The following MYO1G variants were observed in gnomAD, a reference collection of about 807,000 sequenced individuals.
MYO1G encodes the protein unconventional myosin-Ig.
MYO1G carries 65 observed loss-of-function variants against 115.3 expected under a neutral mutation model. The ratio of observed to expected loss-of-function variants is 0.56; its 90% CI spans 0.46 to 0.69. The LOEUF (loss-of-function observed/expected upper bound fraction) is 0.69, where lower values mean the gene tolerates loss of function less well. Ranked by LOEUF, MYO1G falls within the 30% of genes least tolerant of loss-of-function variation. The pLI, the probability that MYO1G is intolerant of heterozygous loss-of-function variation, is 0.00. For missense variants in MYO1G, 1,204 were observed against 1,393.5 expected (o/e 0.86, Z 2.16); for synonymous variants, 510 against 552.6 (o/e 0.92, Z 1.08).
In MYO1G at chr7:44,975,599, T is replaced by C. The variant is rs1318754883; in HGVS notation, c.449A>G (p.Asn150Ser). The C allele has an allele frequency of 1.9e-6, 3 of 1,613,774 alleles. No homozygotes were observed. The East Asian group carries it at 6.7e-5, about 36-fold the overall frequency. The change falls in exon 4 of 22, where the codon AAT becomes AGT. Residue 150 changes from asparagine (N) to serine (S), a missense_variant. Asn to Ser is a conservative substitution (Grantham distance 46). Coordinates refer to ENST00000258787, the MANE Select transcript of MYO1G (RefSeq NM_033054.3). ...KSTCVLEAFG[N>S]ARTNRNHNSS... The stretch of plus-strand genomic sequence containing the variant: ...GTTGTGATTGCGGTTGGTGCGGGCA[T>C]TGCCAAAGGCCTCCAGCACACAGGT...
Position 44,966,317 on chromosome 7 carries a change from G to A in MYO1G, c.1950-37C>T. 4 of 1,545,722 alleles carry A rather than the reference G, an allele frequency of 2.6e-6. No homozygotes were observed. The highest frequency in any genetic ancestry group is 3.5e-6 in the Non-Finnish European group (4 of 1,140,366). On this transcript the variant is annotated intron_variant, in intron 15 of 21. Coordinates refer to ENST00000258787, the MANE Select transcript of MYO1G (RefSeq NM_033054.3). This position sits in a 1 kb window ranked among gnomAD's most constrained non-coding sequence, Gnocchi z 5.0. The stretch of plus-strand genomic sequence containing the variant: ...GGACAGGGCAGTGTGGCCCAGGCCT[G>A]GGGGAGAGATGATGGAGCCCACCCT...
intron 13 of MYO1G, 68 bp from the exon 14 acceptor site, chr7:44,967,805 C>G (rs1794874624): frequency 8.1e-6 from 13 of 1,611,978 alleles, no homozygotes; most frequent in African/African-American, 2.7e-5. Flanking sequence ...CGTCCTGACG[C>G]TAGTCAATGC....
rs1795036423 is a variant in MYO1G at position 44,975,662 on chromosome 7, A to G, written c.399-13T>C. 1.3e-6 allele frequency: 2 copies of G among 1,588,590 alleles called. No homozygotes were observed. Among genetic ancestry groups the G allele is most frequent in the South Asian group, 2.3e-5 (2 of 88,584 alleles). On this transcript the variant is annotated splice_polypyrimidine_tract_variant and intron_variant, in intron 3 of 21. Coordinates refer to ENST00000258787, the MANE Select transcript of MYO1G (RefSeq NM_033054.3). ...CACGTCCTTGACCCTGTCAGGGCAG[A>G]GGGGCTGGGTCTTAAGGCAAAGACT... is the stretch of plus-strand genomic sequence containing the variant.
chr7:44,965,816 C>T lies in MYO1G; in HGVS notation c.2202G>A (p.Arg734=), dbSNP rs1391612018. ...ACCAGCGCATGATGGTGTAGATAGC[C>T]CTCAGCCTCCGGCAGCGCCACCTCG... is the stretch of plus-strand genomic sequence containing the variant. The part of the protein sequence containing the change: ...TLARWRCRRL[R]AIYTIMRWFR... Residue 734 remains arginine, a synonymous_variant, in exon 17 of 22, where the codon AGG becomes AGA. Coordinates refer to ENST00000258787, the MANE Select transcript of MYO1G (RefSeq NM_033054.3). 2 of 1,601,144 alleles carry T rather than the reference C, an allele frequency of 1.2e-6. No homozygotes were observed. The highest frequency in any genetic ancestry group is 1.1e-5 in the South Asian group (1 of 90,974).
In MYO1G at chr7:44,970,421, T is replaced by C. The variant is rs536079386; in HGVS notation, c.1217+171A>G. Among the ~76,000 whole-genome samples the C allele has an allele frequency of 3.3e-5, 5 of 152,246 alleles. No individual in the cohort carries two copies. The South Asian group carries it at 1.0e-3, about 32-fold the overall frequency. On this transcript the variant is annotated intron_variant, in intron 9 of 21. Transcript: ENST00000258787. ...ATTCTGCCTTCCATCAGGACATCAA[T>C]GGTCAGAGGGTGCAGGTGAGGCAGG...
rs1449190771 is a variant in MYO1G, at chr7:44,964,315, C to G, written c.2631+100G>C. The G allele has an allele frequency of 2.2e-6, 3 of 1,366,918 alleles. No homozygotes were observed. Among genetic ancestry groups the G allele is most frequent in the Non-Finnish European group, 3.1e-6 (3 of 961,290 alleles). 84.7% of individuals were successfully genotyped at this position (1,366,918 alleles called of 1,614,324 possible). ...CCTGGGCTGGGGTTGCCTCCATTTT[C>G]TCCCAAGTGCCCCCCCAAAACTCTG... On this transcript the variant is annotated intron_variant, in intron 19 of 21. Transcript: ENST00000258787. The surrounding 1 kb of genome is among the most constrained non-coding windows in gnomAD (Gnocchi z 5.1).
Position 44,978,883 on chromosome 7 carries a change from T to G in MYO1G, c.79A>C (p.Arg27=), listed in dbSNP as rs1345111687. ...LDQVTMEDFM[R]NLQLRFEKGR... Reference sequence around the variant, plus strand: ...TGGGCCTACCTGAGCTGCAGGTTCCTCATGAAGTCCTCCATGGTCACTTGG... The same window carrying G: ...TGGGCCTACCTGAGCTGCAGGTTCCGCATGAAGTCCTCCATGGTCACTTGG... The change falls in exon 1 of 22, where the codon AGG becomes CGG. Residue 27 remains arginine, a synonymous_variant. Coordinates refer to ENST00000258787, the MANE Select transcript of MYO1G (RefSeq NM_033054.3). The G allele has an allele frequency of 6.2e-7, 1 of 1,614,168 alleles. No individual in the cohort carries two copies. The highest frequency in any genetic ancestry group is 2.2e-5 in the East Asian group (1 of 44,886).
Position 44,965,023 on chromosome 7 carries a change from C to T in MYO1G, c.2448G>A (p.Val816=), listed in dbSNP as rs1794815502. 1 of 1,611,430 alleles carries T rather than the reference C, an allele frequency of 6.2e-7. No individual in the cohort carries two copies. The highest frequency in any genetic ancestry group is 1.3e-5 in the African/African-American group (1 of 74,928). The part of the protein sequence containing the change: ...PSDMPQIKAK[V]AAMGALQGLR... ...GCCCTTGCAGGGCCCCCATGGCGGC[C>T]ACCTTGGCCTTGATCTGGGGCATGT... The change falls in exon 18 of 22, where the codon GTG becomes GTA. Residue 816 remains valine (V), a synonymous_variant. Transcript: ENST00000258787.
intron 2 of MYO1G, 32 bp downstream of exon 2, chr7:44,976,831 G>T: frequency 6.2e-7 from 1 of 1,610,064 alleles, no homozygotes; most frequent in East Asian, 2.2e-5. Context: ...TGAAGATGCC[G>T]AGGGTGGGGG....
rs536623475 is a variant in MYO1G at position 44,966,514 on chromosome 7, T to C, written c.1949+158A>G. 144 of 942,898 alleles carry C rather than the reference T, an allele frequency of 1.5e-4. No homozygotes were observed. The South Asian group carries it at 1.8e-3, about 12-fold the overall frequency. The allele number at this position is 942,898 out of a possible 1,614,324, so 58.4% of individuals were successfully genotyped here. ...CCCCACATGCATGTGCTCACACACATGTCTTCCCAGATATTTTGGTGTCTT... is the reference window on the plus strand; with the variant it reads ...CCCCACATGCATGTGCTCACACACACGTCTTCCCAGATATTTTGGTGTCTT... On this transcript the variant is annotated intron_variant, in intron 15 of 21. Coordinates refer to ENST00000258787, the MANE Select transcript of MYO1G (RefSeq NM_033054.3). This position sits in a 1 kb window ranked among gnomAD's most constrained non-coding sequence, Gnocchi z 5.0.
rs993142168 is a variant in MYO1G at position 44,962,700 on chromosome 7, G to A, written c.*39C>T. The A allele has an allele frequency of 7.6e-5, 110 of 1,451,234 alleles. No individual in the cohort carries two copies. The highest frequency in any genetic ancestry group is 9.6e-5 in the Non-Finnish European group (107 of 1,111,454). The allele number at this position is 1,451,234 out of a possible 1,614,324, so 89.9% of individuals were successfully genotyped here. On this transcript the variant is annotated 3_prime_UTR_variant, in exon 22 of 22. Coordinates refer to ENST00000258787, the MANE Select transcript of MYO1G (RefSeq NM_033054.3). This position sits in a 1 kb window ranked among gnomAD's most constrained non-coding sequence, Gnocchi z 5.3. Reference sequence around the variant, plus strand: ...GGTTTATTTGCAGCGCTGGCGGGGCGGACAATTGGCGGCCTCGGGGTGCGG... The same window carrying A: ...GGTTTATTTGCAGCGCTGGCGGGGCAGACAATTGGCGGCCTCGGGGTGCGG...
In MYO1G at chr7:44,963,892, C is replaced by A; in HGVS notation, c.2745+157G>T. ...TTCACTCTGTGGGCGTGGGAAGCCACTGCAGGATTTTCAGCACGGGTGCCA... is the reference window on the plus strand; with the variant it reads ...TTCACTCTGTGGGCGTGGGAAGCCAATGCAGGATTTTCAGCACGGGTGCCA... On this transcript the variant is annotated intron_variant, in intron 20 of 21. Transcript: ENST00000258787. The surrounding 1 kb of genome is among the most constrained non-coding windows in gnomAD (Gnocchi z 4.1). The A allele has an allele frequency of 1.5e-6, 1 of 647,034 alleles. No individual in the cohort carries two copies. The highest frequency in any genetic ancestry group is 1.8e-5 in the South Asian group (1 of 54,226). The allele number at this position is 647,034 out of a possible 1,614,324, so 40.1% of individuals were successfully genotyped here. A position where few individuals can be genotyped will look rare whatever the true frequency, so the allele number is the denominator to read the frequency against.
In MYO1G at chr7:44,969,731, G is replaced by T; in HGVS notation, c.1477C>A (p.His493Asn). Reference protein sequence around the residue: ...FLQTLDMHHRHHLHYTSRQLC... With the variant: ...FLQTLDMHHRNHLHYTSRQLC... ...TGGCGGCTGGTGTAGTGTAGGTGAT[G>T]GCGGTGGTGCATGTCCAGGGTCTGC... The change falls in exon 11 of 22, where the codon CAT becomes AAT. Residue 493 changes from histidine (H) to asparagine (N), a missense_variant. His to Asn is a moderately conservative substitution (Grantham distance 68). Coordinates refer to ENST00000258787, the MANE Select transcript of MYO1G (RefSeq NM_033054.3). The surrounding 1 kb of genome is among the most constrained non-coding windows in gnomAD (Gnocchi z 5.0). 2 of 1,610,312 alleles carry T rather than the reference G, an allele frequency of 1.2e-6. No homozygotes were observed. The highest frequency in any genetic ancestry group is 1.7e-6 in the Non-Finnish European group (2 of 1,179,226).
chr7:44,968,872 T>C, intron 12 of MYO1G: 1 of 160,810 alleles, frequency 6.2e-6, no homozygotes, highest in Non-Finnish European at 1.4e-5. Context: ...TTCTATTCCC[T>C]CTCCTTGAGA....
chr7:44,967,692 G>A lies in MYO1G; in HGVS notation c.1695C>T (p.Asp565=). Residue 565 remains aspartate (D), a synonymous_variant, in exon 14 of 22, where the codon GAC becomes GAT. Coordinates refer to ENST00000258787, the MANE Select transcript of MYO1G (RefSeq NM_033054.3). ...LRAMWPDGQQ[D]ITEVTKRPLT... ...GGGGGCGCTTGGTCACCTCTGTGAT[G>A]TCCTGCTGCCCGTCCGGCCACATGG... 1 of 1,613,726 alleles carries A rather than the reference G, an allele frequency of 6.2e-7. No homozygotes were observed. The highest frequency in any genetic ancestry group is 8.5e-7 in the Non-Finnish European group (1 of 1,180,022).
chr7:44,964,460 G>T lies in MYO1G; in HGVS notation c.2586C>A (p.Asp862Glu). 1.2e-6 allele frequency: 2 copies of T among 1,613,854 alleles called. No individual in the cohort carries two copies. Among genetic ancestry groups the T allele is most frequent in the Non-Finnish European group, 1.7e-6 (2 of 1,179,842 alleles). Residue 862 changes from aspartate to glutamate, a missense_variant, in exon 19 of 22, where the codon GAC (aspartate) becomes GAA (glutamate). By Grantham distance (45) the Asp-to-Glu change is conservative. Transcript: ENST00000258787. The surrounding 1 kb of genome is among the most constrained non-coding windows in gnomAD (Gnocchi z 5.1). ...AGAGCACAGCCCCGAAGCCATCTTT[G>T]TCCTGAAGTGTCTTTAGTCGCTGAG... ...LFAQRLKTLQ[D>E]KDGFGAVLFS...
At chr7:44,975,781 C>T in intron 3 of MYO1G, 132 bp from the exon 4 acceptor site, 1 of 1,051,462 alleles carries the variant, frequency 9.5e-7, no homozygotes, top group Admixed American at 3.0e-5. Flanking sequence ...TGAGAGGGAA[C>T]CAATGGCCTG....
Position 44,966,347 on chromosome 7 carries a change from A to T in MYO1G, c.1950-67T>A. 1 of 1,370,222 alleles carries T rather than the reference A, an allele frequency of 7.3e-7. No individual in the cohort carries two copies. The highest frequency in any genetic ancestry group is 1.0e-6 in the Non-Finnish European group (1 of 992,826). The allele number at this position is 1,370,222 out of a possible 1,614,324, so 84.9% of individuals were successfully genotyped here. On this transcript the variant is annotated intron_variant, in intron 15 of 21. Coordinates refer to ENST00000258787, the MANE Select transcript of MYO1G (RefSeq NM_033054.3). The surrounding 1 kb of genome is among the most constrained non-coding windows in gnomAD (Gnocchi z 5.0). ...AGAGATGATGGAGCCCACCCTGCCC[A>T]CCCCACACCTGGGGAGATGGCAGGG...
At position 44,971,805 on chromosome 7, in the gene MYO1G, T is replaced by A; in HGVS notation, c.730-16A>T. On this transcript the variant is annotated splice_polypyrimidine_tract_variant and intron_variant, in intron 6 of 21. Coordinates refer to ENST00000258787, the MANE Select transcript of MYO1G (RefSeq NM_033054.3). ...TGTCCAAGGCCTAGGGTAGAAGGGA[T>A]TCATCACTCCAAAGCCACACTGGGC... The A allele has an allele frequency of 6.5e-7, 1 of 1,540,000 alleles. No individual in the cohort carries two copies. Among genetic ancestry groups the A allele is most frequent in the Non-Finnish European group, 8.8e-7 (1 of 1,135,508 alleles).
Sources: gnomAD v4.1 joint callset for allele counts (sites outside exome capture counted in the v4.1 genomes callset) on GRCh38, gnomAD v4.1.1 for gene constraint, Gnocchi (gnomAD v3.1) non-coding constraint, MANE v1.5 for transcripts, NCBI Gene and HGNC (gene_info 2026-07-23, HGNC 2026-07-21) for gene names.